Variants in ZSCAN25 observed in about 807,000 individuals in gnomAD.
The protein encoded by ZSCAN25 is zinc finger and SCAN domain-containing protein 25.
Under a neutral mutation model 38.7 loss-of-function variants are expected in ZSCAN25, and 27 were observed. The ratio of observed to expected loss-of-function variants is 0.70; its 90% CI spans 0.51 to 0.96. The LOEUF (loss-of-function observed/expected upper bound fraction) is 0.96. ZSCAN25 is among the 40% of genes least tolerant of loss of function. ZSCAN25 has a pLI of 0.00. For missense variants in ZSCAN25, 637 were observed against 705.9 expected, an observed-to-expected ratio of 0.90 and a Z score of 1.11; for synonymous variants, 273 against 277.7, an observed-to-expected ratio of 0.98 and a Z score of 0.17.
chr7:99,715,943 C>T, the ZSCAN25 span: 1 of 1,612,810 alleles, frequency 6.2e-7, no homozygotes, highest in East Asian at 2.2e-5. Flanking sequence ...AAAATCAGCA[C>T]CTCTTTACCA....
In ZSCAN25 at chr7:99,631,040, C is replaced by T. The variant is rs1458010494; in HGVS notation, c.*1020C>T. 8.2e-6 allele frequency: 8 copies of T among 975,108 alleles called. No individual in the cohort carries two copies. Among genetic ancestry groups the T allele is most frequent in the African/African-American group, 5.3e-5 (3 of 57,034 alleles). The allele number at this position is 975,108 out of a possible 1,614,324, so 60.4% of individuals were successfully genotyped here. ...AACATGTCAGGAACTCTTCTGGGTGCTTGAGACACATCCATGAATAAAATA... is the reference window on the plus strand; with the variant it reads ...AACATGTCAGGAACTCTTCTGGGTGTTTGAGACACATCCATGAATAAAATA... On this transcript the variant is annotated 3_prime_UTR_variant, in exon 8 of 8. Transcript: ENST00000394152.
the ZSCAN25 span, among the ~76,000 whole-genome samples, chr7:99,678,928 C>A: frequency 6.6e-5 from 10 of 152,250 alleles, no homozygotes; most frequent in East Asian, 1.9e-3. Flanking sequence ...CTCTAGGATG[C>A]CAGGAATCCC....
chr7:99,698,628 G>A, the ZSCAN25 span, among the ~76,000 whole-genome samples: 1 of 152,050 alleles, frequency 6.6e-6, no homozygotes, highest in Non-Finnish European at 1.5e-5. Flanking sequence ...ACATAAATAT[G>A]TATATCGCAG....
At chr7:99,661,023 A>G in the ZSCAN25 span, among the ~76,000 whole-genome samples, 1 of 152,230 alleles carries the variant, frequency 6.6e-6, no homozygotes, top group Non-Finnish European at 1.5e-5. Flanking sequence ...AATATGGGGT[A>G]GGCTTTTTCC....
At chr7:99,674,467 A>G in the ZSCAN25 span, 4 of 1,295,318 alleles carry the variant, frequency 3.1e-6, no homozygotes, top group African/African-American at 1.5e-5. Context: ...GGCAGAGACT[A>G]TCCTGCAGTG....
At chr7:99,674,556 A>G in the ZSCAN25 span, 3 of 1,613,804 alleles carry the variant, frequency 1.9e-6, no homozygotes, top group South Asian at 2.2e-5. Context: ...CATACTTTTT[A>G]TAGCACTCTG....
Position 99,621,373 on chromosome 7 carries a change from G to C in ZSCAN25, c.388G>C (p.Val130Leu), listed in dbSNP as rs778873609. 3 of 1,406,710 alleles carry C rather than the reference G, an allele frequency of 2.1e-6. No homozygotes were observed. Among genetic ancestry groups the C allele is most frequent in the African/African-American group, 2.9e-5 (2 of 69,000 alleles). 87.1% of individuals were successfully genotyped at this position (1,406,710 alleles called of 1,614,324 possible). A position where few individuals can be genotyped will look rare whatever the true frequency, so the allele number is the denominator to read the frequency against. ...AATCGGTGTTGGGAACTGTTCTTAGGTTCCATGCCACAGGCAGGGAGAGCA... is the reference window on the plus strand; with the variant it reads ...AATCGGTGTTGGGAACTGTTCTTAGCTTCCATGCCACAGGCAGGGAGAGCA... Reference protein sequence around the residue: ...LTERALEAKAVPCHRQGEQEE... With the variant: ...LTERALEAKALPCHRQGEQEE... Residue 130 changes from valine (V) to leucine (L), a missense_variant and splice_region_variant, in exon 5 of 8, where the codon GTT becomes CTT. Transcript: ENST00000394152.
chr7:99,666,314 G>GT, the ZSCAN25 span, among the ~76,000 whole-genome samples: 2 of 152,126 alleles, frequency 1.3e-5, no homozygotes, highest in African/African-American at 4.8e-5. Context: ...ATACAATCAT[G>GT]TTTTTTTAAT....
chr7:99,617,931 A>G (rs935509835), intron 1 of ZSCAN25, among the ~76,000 whole-genome samples: 1 of 152,262 alleles, frequency 6.6e-6, no homozygotes, highest in Non-Finnish European at 1.5e-5. Context: ...GAGTGAACCA[A>G]TGCAATAGCT....
chr7:99,658,042 C>T, the ZSCAN25 span, among the ~76,000 whole-genome samples: 1 of 152,074 alleles, frequency 6.6e-6, no homozygotes, highest in Non-Finnish European at 1.5e-5. Context: ...TCCAGTTTGC[C>T]AGTCTGTGTC....
the ZSCAN25 span, among the ~76,000 whole-genome samples, chr7:99,679,125 C>G: frequency 1.2e-4 from 18 of 152,298 alleles, no homozygotes; most frequent in African/African-American, 4.3e-4. Flanking sequence ...AAGAATAAAT[C>G]CTCGAAACTT....
chr7:99,673,744 A>G, the ZSCAN25 span, among the ~76,000 whole-genome samples: 4 of 152,232 alleles, frequency 2.6e-5, no homozygotes, highest in East Asian at 7.7e-4. Flanking sequence ...TGCATTTATG[A>G]GCACATATTA....
chr7:99,715,901 A>C, the ZSCAN25 span: 2 of 1,613,776 alleles, frequency 1.2e-6, no homozygotes, highest in Admixed American at 3.3e-5. Context: ...GTAGGCCCCA[A>C]AGACGCTGAG....
the ZSCAN25 span, among the ~76,000 whole-genome samples, chr7:99,701,765 T>C: frequency 6.6e-6 from 1 of 152,256 alleles, no homozygotes; most frequent in Non-Finnish European, 1.5e-5. Context: ...TCTGTATAAA[T>C]ATTTTGCCCA....
At chr7:99,660,273 C>A in the ZSCAN25 span, 3 of 178,774 alleles carry the variant, frequency 1.7e-5, no homozygotes, top group Non-Finnish European at 2.6e-5. Flanking sequence ...TAACAGTAAA[C>A]AGGTGAACCA....
At chr7:99,656,879 A>G in the ZSCAN25 span, among the ~76,000 whole-genome samples, 14 of 152,246 alleles carry the variant, frequency 9.2e-5, no homozygotes, top group East Asian at 5.8e-4. Context: ...AGAGGTGTTT[A>G]TAGTATTCTC....
the ZSCAN25 span, among the ~76,000 whole-genome samples, chr7:99,637,920 C>T: frequency 6.6e-6 from 1 of 152,054 alleles, no homozygotes; most frequent in African/African-American, 2.4e-5. Flanking sequence ...AAGATTCTCT[C>T]GAAATAAAAA....
intron 6 of ZSCAN25, among the ~76,000 whole-genome samples, chr7:99,623,173 C>T (rs1249658910): frequency 6.6e-6 from 1 of 152,104 alleles, no homozygotes; most frequent in Non-Finnish European, 1.5e-5. Flanking sequence ...GCTGATTGGC[C>T]CCGAGATAAC....
the ZSCAN25 span, chr7:99,720,411 T>C: frequency 6.2e-7 from 1 of 1,613,558 alleles, no homozygotes; most frequent in African/African-American, 1.3e-5. Context: ...CAGTCATAAA[T>C]ACTGTGTGGA....
Sources: allele counts gnomAD v4.1 joint callset (sites outside exome capture counted in the v4.1 genomes callset), GRCh38; gene constraint gnomAD v4.1.1; transcripts MANE v1.5; gene names NCBI Gene and HGNC (gene_info 2026-07-23, HGNC 2026-07-21).